Variants in TMC5 observed in about 807,000 individuals in gnomAD.
The protein encoded by TMC5 is transmembrane channel-like protein 5.
A neutral mutation model predicts 110.5 loss-of-function variants in TMC5; 86 were observed. The ratio of observed to expected loss-of-function variants is 0.78; its 90% confidence interval spans 0.65 to 0.93. The LOEUF (loss-of-function observed/expected upper bound fraction) is 0.93, where lower values mean the gene tolerates loss of function less well. TMC5 is among the 40% of genes least tolerant of loss of function. The pLI, the probability that TMC5 is intolerant of heterozygous loss-of-function variation, is 0.00. For missense variants in TMC5, 1,144 were observed against 1,222.8 expected (o/e 0.94, Z 0.96); for synonymous variants, 455 against 439.5 (o/e 1.04, Z -0.44).
chr16:19,444,112 T>C lies in TMC5; in HGVS notation c.820T>C (p.Ser274Pro), dbSNP rs1445300926. The change falls in exon 4 of 22, where the codon TCA becomes CCA. Residue 274 changes from serine to proline, a missense_variant. Ser to Pro is a moderately conservative substitution (Grantham distance 74). Transcript: ENST00000542583. ...VLSRTSSIQP[S>P]FRHRSDDPVG... ...CAGCAGAACATCTTCAATCCAGCCC[T>C]CATTTCGTCACAGGAGTGATGACCC... 6.2e-7 allele frequency: 1 copy of C among 1,614,142 alleles called. No homozygotes were observed. Among genetic ancestry groups the C allele is most frequent in the East Asian group, 2.2e-5 (1 of 44,868 alleles).
chr16:19,434,499 G>GATAGATAGATATATAT (rs747139925), intron 2 of TMC5, among the ~76,000 whole-genome samples: 1 of 127,100 alleles, frequency 7.9e-6, no homozygotes. Context: ...TAGATATAGA[G>GATAGATAGATATATAT]AGAGAGAGAG....
chr16:19,486,830 G>T, intron 15 of TMC5, 115 bp from the exon 16 acceptor site: 1 of 867,412 alleles, frequency 1.2e-6, no homozygotes, highest in Non-Finnish European at 1.8e-6. Context: ...ATGGATTTTG[G>T]GGACACACAA....
At chr16:19,480,058 A>C (rs1968580354) in intron 14 of TMC5, among the ~76,000 whole-genome samples, 1 of 152,196 alleles carries the variant, frequency 6.6e-6, no homozygotes, top group African/African-American at 2.4e-5. Flanking sequence ...TTCTATGCAC[A>C]CATTGCTCTG....
intron 1 of TMC5, among the ~76,000 whole-genome samples, chr16:19,419,414 T>G (rs1416741839): frequency 7.6e-6 from 1 of 131,204 alleles, no homozygotes; most frequent in African/African-American, 2.8e-5. Context: ...TTTTTTTTTT[T>G]TTTTTTTTTT....
chr16:19,421,095 G>C (rs28633935), intron 1 of TMC5, among the ~76,000 whole-genome samples: 8,560 of 152,188 alleles, frequency 0.056, 380 homozygotes, highest in African/African-American at 0.13. Flanking sequence ...TCGCAAGGTT[G>C]TGTCTGTCAG....
chr16:19,417,222 C>G (rs1430825035), upstream of TMC5, among the ~76,000 whole-genome samples: 1 of 151,506 alleles, frequency 6.6e-6, no homozygotes, highest in African/African-American at 2.4e-5. Context: ...AGTTCAAGAC[C>G]AGCCTGGGCA....
chr16:19,436,273 G>GA (rs750838547), intron 2 of TMC5, among the ~76,000 whole-genome samples: 11 of 107,578 alleles, frequency 1.0e-4, no homozygotes, highest in Admixed American at 2.1e-4. Flanking sequence ...GTCTCAAAAA[G>GA]AAAAAAAAAA....
rs1968516572 is a variant in TMC5 at position 19,477,464 on chromosome 16, C to A, written c.2115C>A (p.Ile705=). 6.2e-7 allele frequency: 1 copy of A among 1,612,592 alleles called. No individual in the cohort carries two copies. ...LIRNIFLKIS[I]IGILCYYWLN... The stretch of plus-strand genomic sequence containing the variant: ...GAAACATCTTTTTGAAAATATCAAT[C>A]ATTGGCATTCTTTGTTACTATTGGC... Residue 705 remains isoleucine (I), a synonymous_variant, in exon 13 of 22, where the codon ATC becomes ATA. Coordinates refer to ENST00000542583, the MANE Select transcript of TMC5 (RefSeq NM_001261841.2).
chr16:19,437,305 A>G (rs918801461), intron 2 of TMC5, among the ~76,000 whole-genome samples: 1 of 152,260 alleles, frequency 6.6e-6, no homozygotes, highest in African/African-American at 2.4e-5. Context: ...ATGCTCTGAC[A>G]GAATCACTGT....
intron 20 of TMC5, among the ~76,000 whole-genome samples, chr16:19,496,095 T>A (rs57023777): frequency 6.6e-6 from 1 of 150,896 alleles, no homozygotes; most frequent in African/African-American, 2.4e-5. Context: ...GAGGTGGAGA[T>A]TGCAGTGAGC....
chr16:19,456,640 T>C, intron 5 of TMC5: 1 of 1,553,436 alleles, frequency 6.4e-7, no homozygotes, highest in Non-Finnish European at 8.7e-7. Flanking sequence ...TCAATGCGGG[T>C]GTGACTGCTG....
At chr16:19,415,318 G>C (rs774935646), upstream of TMC5, among the ~76,000 whole-genome samples, 93 of 152,298 alleles carry the variant, frequency 6.1e-4, no homozygotes, top group Non-Finnish European at 1.0e-3. Flanking sequence ...CACTGTCCAT[G>C]GAACTAGGTA....
intron 3 of TMC5, 121 bp from the exon 4 acceptor site, chr16:19,443,956 GATAA>G: frequency 2.1e-6 from 2 of 954,590 alleles, no homozygotes; most frequent in Non-Finnish European, 3.2e-6. Flanking sequence ...TGGATGGATG[GATAA>G]ATGGATGGAT....
In TMC5 at chr16:19,445,140, A is replaced by C. The variant is rs112215625; in HGVS notation, c.958+890A>C. Among the ~76,000 whole-genome samples, 190 of 152,284 alleles carry C rather than the reference A, an allele frequency of 1.2e-3. 2 individuals are homozygous for C. Among genetic ancestry groups the C allele is most frequent in the South Asian group, 6.8e-3 (33 of 4,820 alleles). On this transcript the variant is annotated intron_variant, in intron 4 of 21. Coordinates refer to ENST00000542583, the MANE Select transcript of TMC5 (RefSeq NM_001261841.2). ...CGAGACTCTGTTAAAAACAAACAAA[A>C]AAAAGACTAAAGAAAGTTAGCAAGC...
intron 17 of TMC5, among the ~76,000 whole-genome samples, chr16:19,489,644 A>AT (rs34372092): frequency 0.022 from 2,828 of 129,292 alleles, 84 homozygotes; most frequent in African/African-American, 0.067. Context: ...TGCCTGGCTA[A>AT]TTTTTTTTTT....
chr16:19,495,100 C>T lies in TMC5; in HGVS notation c.2931+734C>T, dbSNP rs1204812589. Among the ~76,000 whole-genome samples, 7 of 26,108 alleles carry T rather than the reference C, an allele frequency of 2.7e-4. 1 individual carries two copies. The highest frequency in any genetic ancestry group is 4.9e-4 in the Non-Finnish European group (3 of 6,122). The allele number at this position is 26,108 out of a possible 152,430, so 17.1% of individuals were successfully genotyped here. ...CGGGATCTCGGCGCACTGCAAGCTC[C>T]GCCTCCCGGGTTCACGCCATTCTCC... On this transcript the variant is annotated intron_variant, in intron 20 of 21. Coordinates refer to ENST00000542583, the MANE Select transcript of TMC5 (RefSeq NM_001261841.2).
chr16:19,443,735 C>T (rs936295721), intron 3 of TMC5, among the ~76,000 whole-genome samples: 6 of 150,718 alleles, frequency 4.0e-5, no homozygotes, highest in East Asian at 2.0e-4. Flanking sequence ...AATACATGGA[C>T]GGATAGATGG....
intron 1 of TMC5, among the ~76,000 whole-genome samples, chr16:19,422,809 G>A (rs188438446): frequency 4.6e-5 from 7 of 152,244 alleles, no homozygotes; most frequent in East Asian, 1.9e-4. Context: ...TTAGCTGGGC[G>A]TAGTGGTGGG....
At chr16:19,416,310 CAG>C (rs1966877240), upstream of TMC5, among the ~76,000 whole-genome samples, 3 of 151,996 alleles carry the variant, frequency 2.0e-5, no homozygotes, top group Admixed American at 1.3e-4. Flanking sequence ...CCATAGGAAA[CAG>C]ATTTTGTTTG....
Sources: allele counts gnomAD v4.1 joint callset (sites outside exome capture counted in the v4.1 genomes callset), GRCh38; gene constraint gnomAD v4.1.1; transcripts MANE v1.5; gene names NCBI Gene and HGNC (gene_info 2026-07-23, HGNC 2026-07-21).